ARHGEF3: variants seen among roughly 807,000 people sequenced by gnomAD.
The protein encoded by ARHGEF3 is Rho guanine nucleotide exchange factor 3.
ARHGEF3 carries 28 observed loss-of-function variants against 63.2 expected under a neutral mutation model. The ratio of observed to expected loss-of-function variants is 0.44; its 90% CI spans 0.33 to 0.61. The LOEUF (loss-of-function observed/expected upper bound fraction) is 0.61. Among genes scored for constraint, ARHGEF3 ranks in the 20% least tolerant of loss-of-function variants. The probability of loss-of-function intolerance (pLI) is 0.03; values close to 1 mark genes in which losing one functional copy is unlikely to be tolerated. For missense variants in ARHGEF3, 533 were observed against 659.3 expected (o/e 0.81, Z 2.10); for synonymous variants, 266 against 254.2 (o/e 1.05, Z -0.44).
At chr3:56,995,664 A>AGAGG (rs1701954622) in intron 2 of ARHGEF3, among the ~76,000 whole-genome samples, 1 of 123,230 alleles carries the variant, frequency 8.1e-6, no homozygotes, top group African/African-American at 2.8e-5. Flanking sequence ...AGAGAGAGAG[A>AGAGG]GAGAGAGAAT....
intron 3 of ARHGEF3, among the ~76,000 whole-genome samples, chr3:56,921,273 A>AAATTAAAAT (rs2042134486): frequency 6.6e-6 from 1 of 151,970 alleles, no homozygotes; most frequent in African/African-American, 2.4e-5. Flanking sequence ...AGCCGTGACC[A>AAATTAAAAT]AATTAAAATA....
At chr3:56,781,095 T>C (rs1214777925) in intron 1 of ARHGEF3, among the ~76,000 whole-genome samples, 5 of 152,130 alleles carry the variant, frequency 3.3e-5, no homozygotes, top group African/African-American at 9.7e-5. Context: ...AAGATGGCCA[T>C]GTGACAAGAG....
At chr3:56,737,449 C>A in intron 7 of ARHGEF3, 94 bp from the exon 8 acceptor site, 1 of 935,900 alleles carries the variant, frequency 1.1e-6, no homozygotes, top group Non-Finnish European at 1.6e-6. Flanking sequence ...CACCAGGACA[C>A]ACCTGGATCT....
At position 56,775,047 on chromosome 3, in the gene ARHGEF3, A is replaced by G. The variant is rs2036218338; in HGVS notation, c.97-1231T>C. 3 of 1,551,360 alleles carry G rather than the reference A, an allele frequency of 1.9e-6. No homozygotes were observed. The African/African-American group carries it at 4.1e-5, about 21-fold the overall frequency. ...TGACCTGTAGTAGATGCTAGACAGC[A>G]CATGAAGATACCAAATTTTGATGGG... On this transcript the variant is annotated intron_variant, in intron 1 of 9. Coordinates refer to ENST00000296315, the MANE Select transcript of ARHGEF3 (RefSeq NM_019555.3).
intron 1 of ARHGEF3, among the ~76,000 whole-genome samples, chr3:56,778,471 T>C (rs2036390640): frequency 6.6e-6 from 1 of 152,206 alleles, no homozygotes; most frequent in Admixed American, 6.5e-5. Flanking sequence ...AATAAATAAG[T>C]GTGGCTATAT....
chr3:56,755,227 T>C, intron 2 of ARHGEF3, 76 bp from the exon 3 acceptor site: 1 of 1,456,580 alleles, frequency 6.9e-7, no homozygotes, highest in African/African-American at 1.4e-5. Flanking sequence ...TTCCTGTCGT[T>C]GACGGAACAT....
intron 4 of ARHGEF3, among the ~76,000 whole-genome samples, chr3:56,868,385 G>A (rs1438589605): frequency 6.8e-6 from 1 of 147,844 alleles, no homozygotes; most frequent in Non-Finnish European, 1.5e-5. Context: ...TCGAGACAGA[G>A]TCTCGCTCTG....
At chr3:57,040,016 C>G (rs1323955528) in intron 1 of ARHGEF3, among the ~76,000 whole-genome samples, 5 of 152,280 alleles carry the variant, frequency 3.3e-5, no homozygotes, top group Admixed American at 3.3e-4. Flanking sequence ...GGAAGCTACC[C>G]AAATGCTTAT....
At chr3:56,978,944 C>T (rs1701222621) in intron 2 of ARHGEF3, among the ~76,000 whole-genome samples, 1 of 152,116 alleles carries the variant, frequency 6.6e-6, no homozygotes, top group South Asian at 2.1e-4. Context: ...TCACCTCTGG[C>T]CAGGAGTTCA....
intron 1 of ARHGEF3, chr3:56,774,923 CAACAAA>C (rs902022404): frequency 8.4e-7 from 1 of 1,193,768 alleles, no homozygotes; most frequent in African/African-American, 1.7e-5. Flanking sequence ...ACAACAACAA[CAACAAA>C]AAAAAAACAG....
At chr3:56,898,712 G>A in intron 3 of ARHGEF3, 1 of 165,258 alleles carries the variant, frequency 6.1e-6, no homozygotes, top group South Asian at 1.2e-4. Context: ...TCAGGTTACA[G>A]CCGTGGGCAG....
At chr3:56,737,931 C>T (rs915838645) in intron 7 of ARHGEF3, among the ~76,000 whole-genome samples, 9 of 152,092 alleles carry the variant, frequency 5.9e-5, no homozygotes, top group Admixed American at 3.9e-4. Flanking sequence ...TGAGATGGCA[C>T]AATCTCAGCT....
At chr3:57,011,674 C>A (rs1702707025) in intron 2 of ARHGEF3, among the ~76,000 whole-genome samples, 1 of 152,224 alleles carries the variant, frequency 6.6e-6, no homozygotes, top group African/African-American at 2.4e-5. Flanking sequence ...GGATTTGACA[C>A]CAGAAAGAAA....
At chr3:56,830,112 A>C (rs1378320629) in intron 4 of ARHGEF3, among the ~76,000 whole-genome samples, 2 of 152,184 alleles carry the variant, frequency 1.3e-5, no homozygotes, top group Non-Finnish European at 2.9e-5. Context: ...TGGGGTTTCA[A>C]TACAAGTAGT....
At chr3:56,795,655 C>CTCTTTTT (rs57400467) in intron 1 of ARHGEF3, among the ~76,000 whole-genome samples, 2 of 130,542 alleles carry the variant, frequency 1.5e-5, no homozygotes, top group African/African-American at 5.8e-5. Context: ...GTCTCTCTCT[C>CTCTTTTT]TTTTTTTTTT....
chr3:56,850,310 C>T (rs1453131042), intron 4 of ARHGEF3, among the ~76,000 whole-genome samples: 1 of 152,224 alleles, frequency 6.6e-6, no homozygotes, highest in East Asian at 1.9e-4. Context: ...AGGGGGATCA[C>T]TTGAGGTCAG....
At chr3:56,926,006 G>T (rs947962968) in intron 3 of ARHGEF3, among the ~76,000 whole-genome samples, 3 of 152,218 alleles carry the variant, frequency 2.0e-5, no homozygotes, top group Non-Finnish European at 4.4e-5. Flanking sequence ...CATCAGGCAT[G>T]CAAAAATACC....
At chr3:56,911,998 T>C (rs1560043595) in intron 3 of ARHGEF3, among the ~76,000 whole-genome samples, 1 of 151,564 alleles carries the variant, frequency 6.6e-6, no homozygotes, top group Non-Finnish European at 1.5e-5. Flanking sequence ...TATATATACA[T>C]ATATATGTTC....
intron 4 of ARHGEF3, among the ~76,000 whole-genome samples, chr3:56,821,821 G>A (rs1257433134): frequency 2.6e-5 from 4 of 151,980 alleles, no homozygotes; most frequent in South Asian, 2.1e-4. Flanking sequence ...AAAATTAGCC[G>A]GGCATGGTGG....
Sources: allele counts gnomAD v4.1 joint callset (sites outside exome capture counted in the v4.1 genomes callset), GRCh38; gene constraint gnomAD v4.1.1; transcripts MANE v1.5; gene names NCBI Gene and HGNC (gene_info 2026-07-23, HGNC 2026-07-21).